DPYD: variants seen among roughly 807,000 people sequenced by gnomAD.
DPYD encodes the protein dihydropyrimidine dehydrogenase [NADP(+)].
In DPYD, 109 loss-of-function variants were observed where a neutral mutation model predicts 116.2. That is an observed-to-expected ratio of 0.94 (90% confidence interval 0.80 to 1.10). DPYD has a LOEUF of 1.10. Among genes scored for constraint, DPYD ranks in the 50% least tolerant of loss-of-function variants. The probability of loss-of-function intolerance (pLI) is 0.00; values close to 1 mark genes in which losing one functional copy is unlikely to be tolerated. For missense variants in DPYD, 1,302 were observed against 1,254.5 expected (o/e 1.04, Z -0.57); for synonymous variants, 440 against 432.0 (o/e 1.02, Z -0.23).
chr1:97,355,450 T>G (rs1487649197), intron 16 of DPYD, among the ~76,000 whole-genome samples: 1 of 152,148 alleles, frequency 6.6e-6, no homozygotes, highest in Non-Finnish European at 1.5e-5. Context: ...CAATAAATGG[T>G]TATTTACTAT....
chr1:97,341,227 A>G (rs902249822), intron 16 of DPYD, among the ~76,000 whole-genome samples: 1 of 152,146 alleles, frequency 6.6e-6, no homozygotes, highest in Non-Finnish European at 1.5e-5. Flanking sequence ...TGATTAACAC[A>G]GGGTTCTCTC....
At chr1:97,241,076 T>C (rs182053727) in intron 18 of DPYD, among the ~76,000 whole-genome samples, 12 of 152,170 alleles carry the variant, frequency 7.9e-5, no homozygotes, top group African/African-American at 2.6e-4. Context: ...CTTCTGAAAA[T>C]GTTTTAATTT....
chr1:97,182,198 T>C (rs1657693777), intron 20 of DPYD, among the ~76,000 whole-genome samples: 1 of 152,120 alleles, frequency 6.6e-6, no homozygotes, highest in African/African-American at 2.4e-5. Context: ...TATCCAACAT[T>C]TTTTGCTTCT....
intron 10 of DPYD, among the ~76,000 whole-genome samples, chr1:97,589,951 T>G (rs1029612400): frequency 5.3e-5 from 8 of 152,180 alleles, no homozygotes; most frequent in African/African-American, 1.4e-4. Context: ...AGACAATTAC[T>G]CAAGAAATTA....
chr1:97,183,649 T>C (rs576833115), intron 20 of DPYD, among the ~76,000 whole-genome samples: 45 of 152,224 alleles, frequency 3.0e-4, no homozygotes, highest in Admixed American at 2.8e-3. Flanking sequence ...AAAAAACACA[T>C]GTTGGGAGTT....
intron 2 of DPYD, among the ~76,000 whole-genome samples, chr1:97,866,214 A>C (rs1671369509): frequency 6.6e-6 from 1 of 151,960 alleles, no homozygotes; most frequent in Admixed American, 6.6e-5. Flanking sequence ...TTGAAGTGGA[A>C]GACTTTCGGT....
chr1:97,616,574 C>G (rs1192336155), intron 8 of DPYD, among the ~76,000 whole-genome samples: 1 of 152,014 alleles, frequency 6.6e-6, no homozygotes, highest in Non-Finnish European at 1.5e-5. Context: ...CCAAGATTTG[C>G]AAGCATATTA....
chr1:97,530,074 G>C (rs544130800), intron 12 of DPYD, among the ~76,000 whole-genome samples: 12 of 152,082 alleles, frequency 7.9e-5, no homozygotes, highest in Middle Eastern at 3.4e-3. Context: ...GAATCATGCA[G>C]TATGTGTCCT....
chr1:97,623,694 A>G (rs1215574324), intron 8 of DPYD, among the ~76,000 whole-genome samples: 2 of 152,056 alleles, frequency 1.3e-5, no homozygotes, highest in Admixed American at 6.6e-5. Context: ...CAAAAAGAAC[A>G]AAACTGGAGG....
chr1:97,708,534 T>G (rs942849834), intron 5 of DPYD, among the ~76,000 whole-genome samples: 2 of 152,104 alleles, frequency 1.3e-5, no homozygotes, highest in Non-Finnish European at 2.9e-5. Context: ...AATATCACAC[T>G]GTCTTGATTA....
chr1:97,549,563 T>A lies in DPYD; in HGVS notation c.1521A>T (p.Val507=), dbSNP rs373838132. The change falls in exon 12 of 23, where the codon GTA becomes GTT. Residue 507 remains valine, a synonymous_variant. Coordinates refer to ENST00000370192, the MANE Select transcript of DPYD (RefSeq NM_000110.4). ...KQASWYIHKY[V]QSQYGASVSA... is the part of the protein sequence containing the mutation. ...GGAAATGATGGCAAATGCCTACCTG[T>A]ACGTATTTGTGAATGTACCAAGAAG... The A allele has an allele frequency of 3.3e-5, 54 of 1,613,686 alleles. No individual in the cohort carries two copies. In the African/African-American group the frequency reaches 6.9e-4, roughly 21 times the overall value.
At chr1:97,590,254 T>C (rs539233133) in intron 10 of DPYD, among the ~76,000 whole-genome samples, 3 of 152,324 alleles carry the variant, frequency 2.0e-5, no homozygotes, top group South Asian at 4.1e-4. Flanking sequence ...TCTAATCATA[T>C]ATTACTTATT....
chr1:97,106,288 G>T (rs1651136118), intron 20 of DPYD, among the ~76,000 whole-genome samples: 1 of 152,112 alleles, frequency 6.6e-6, no homozygotes, highest in Admixed American at 6.6e-5. Context: ...GTATCATCTT[G>T]ACTGGGTTAA....
chr1:97,749,706 A>T (rs1664766129), intron 3 of DPYD, among the ~76,000 whole-genome samples: 1 of 152,146 alleles, frequency 6.6e-6, no homozygotes, highest in Non-Finnish European at 1.5e-5. Flanking sequence ...TTTTATAGTT[A>T]CCATTTTTAA....
At chr1:97,720,911 A>C in intron 5 of DPYD, 1 of 1,609,982 alleles carries the variant, frequency 6.2e-7, no homozygotes, top group Non-Finnish European at 8.5e-7. Flanking sequence ...ATTAAAGAGA[A>C]AGCCAGGATC....
chr1:97,519,833 T>C (rs1648507010), intron 12 of DPYD, among the ~76,000 whole-genome samples: 1 of 152,138 alleles, frequency 6.6e-6, no homozygotes, highest in African/African-American at 2.4e-5. Context: ...TCCCTACCTC[T>C]GCACTTTTCA....
At chr1:97,161,500 T>C (rs928160891) in intron 20 of DPYD, among the ~76,000 whole-genome samples, 7 of 152,110 alleles carry the variant, frequency 4.6e-5, no homozygotes, top group African/African-American at 1.7e-4. Context: ...GCCATAAATA[T>C]ACTTGGAATA....
intron 20 of DPYD, among the ~76,000 whole-genome samples, chr1:97,159,576 T>C (rs1006189724): frequency 6.6e-6 from 1 of 152,006 alleles, no homozygotes; most frequent in African/African-American, 2.4e-5. Flanking sequence ...ACCATACATT[T>C]ACCAGTTTAA....
Position 97,348,496 on chromosome 1 carries a change from T to C in DPYD, c.2058+25065A>G, listed in dbSNP as rs144025091. Among the ~76,000 whole-genome samples the C allele has an allele frequency of 3.3e-4, 50 of 152,280 alleles. No individual in the cohort carries two copies. The East Asian group carries it at 4.3e-3, about 13-fold the overall frequency. On this transcript the variant is annotated intron_variant, in intron 16 of 22. Transcript: ENST00000370192. Reference sequence around the variant, plus strand: ...TCCGTAAATAAGGAAAACACAGTTGTGTAAAACAATGAAGTTCTTGCAAAA... The same window carrying C: ...TCCGTAAATAAGGAAAACACAGTTGCGTAAAACAATGAAGTTCTTGCAAAA...
Sources: gnomAD v4.1 joint callset for allele counts (sites outside exome capture counted in the v4.1 genomes callset) on GRCh38, gnomAD v4.1.1 for gene constraint, MANE v1.5 for transcripts, NCBI Gene and HGNC (gene_info 2026-07-23, HGNC 2026-07-21) for gene names.